CATSPER4: variants seen among roughly 807,000 people sequenced by gnomAD.
CATSPER4 encodes cation channel sperm-associated protein 4.
Under a neutral mutation model 54.4 loss-of-function variants are expected in CATSPER4, and 46 were observed. The observed-to-expected ratio is 0.84, with a 90% CI of 0.67 to 1.08. CATSPER4 has a LOEUF of 1.08. Ranked by LOEUF, CATSPER4 falls within the 50% of genes least tolerant of loss-of-function variation. The pLI is 0.00. For missense variants in CATSPER4, 574 were observed against 612.8 expected, an observed-to-expected ratio of 0.94 and a Z score of 0.67; for synonymous variants, 230 against 231.9, an observed-to-expected ratio of 0.99 and a Z score of 0.08.
intron 6 of CATSPER4, among the ~76,000 whole-genome samples, chr1:26,199,512 C>T (rs1253656383): frequency 4.2e-4 from 62 of 146,990 alleles, no homozygotes; most frequent in Admixed American, 3.9e-3. Context: ...GGCGGGAGAA[C>T]GACATGAACC....
intron 5 of CATSPER4, 45 bp downstream of exon 5, chr1:26,198,122 G>A (rs2088964906): frequency 1.2e-6 from 2 of 1,614,150 alleles, no homozygotes; most frequent in South Asian, 1.1e-5. Flanking sequence ...TCCCTGAACA[G>A]GGCCCTTGGG....
intron 3 of CATSPER4, among the ~76,000 whole-genome samples, chr1:26,195,067 G>C (rs2088921871): frequency 6.6e-6 from 1 of 152,204 alleles, no homozygotes; most frequent in African/African-American, 2.4e-5. Context: ...CTGGGCGACA[G>C]AGAGAGATTC....
Position 26,202,360 on chromosome 1 carries a change from A to G in CATSPER4, c.1366-129A>G, listed in dbSNP as rs2089017557. 40 of 805,470 alleles carry G rather than the reference A, an allele frequency of 5.0e-5. 2 individuals are homozygous for G. In the Middle Eastern group the frequency reaches 8.9e-4, roughly 18 times the overall value. 49.9% of individuals were successfully genotyped at this position (805,470 alleles called of 1,614,324 possible). ...TCAGAGGGGGTACTAGGTAGGCTCA[A>G]GTTAGACCTATGAAGCACTTCTCTG... On this transcript the variant is annotated intron_variant, in intron 9 of 9. Coordinates refer to ENST00000456354, the MANE Select transcript of CATSPER4 (RefSeq NM_198137.2).
chr1:26,192,129 C>CT (rs1189162445), intron 2 of CATSPER4, among the ~76,000 whole-genome samples: 27,049 of 139,622 alleles, frequency 0.19, 2,766 homozygotes, highest in Middle Eastern at 0.29. Context: ...GTTTTAATTT[C>CT]TTTTTTTTTT....
At chr1:26,197,036 T>C (rs1052575593) in intron 3 of CATSPER4, among the ~76,000 whole-genome samples, 2 of 151,690 alleles carry the variant, frequency 1.3e-5, no homozygotes, top group African/African-American at 4.8e-5. Context: ...GCCTCCCAAG[T>C]AGCTGGGACT....
intron 3 of CATSPER4, among the ~76,000 whole-genome samples, chr1:26,196,144 C>CTTTTTTTT (rs376569258): frequency 3.2e-5 from 4 of 125,274 alleles, no homozygotes; most frequent in Non-Finnish European, 4.9e-5. Context: ...CTTTCTTTTC[C>CTTTTTTTT]TTTTTTTTTT....
chr1:26,191,421 C>G lies in CATSPER4; in HGVS notation c.348C>G (p.Tyr116Ter), dbSNP rs377237727. Residue 116 changes from tyrosine to a stop codon, truncating the protein, a stop_gained, in exon 2 of 10, where the codon TAC becomes TAG. Transcript: ENST00000456354. LOFTEE classifies it high-confidence loss of function. ...CCATCGCTCTCCGTACCAACTCCTA[C>G]CTGGACCAGGTGGGATGCCAGCATG... is the stretch of plus-strand genomic sequence containing the variant. ...AITIALRTNS[Y>*]LDQKHYELFS... 6.2e-7 allele frequency: 1 copy of G among 1,614,072 alleles called. No homozygotes were observed.
rs1011010717 is a variant in CATSPER4 at position 26,199,942 on chromosome 1, A to G, written c.871A>G (p.Ile291Val). The change falls in exon 7 of 10, where the codon ATC (isoleucine) becomes GTC (valine). Residue 291 changes from isoleucine to valine, a missense_variant. Transcript: ENST00000456354. ...IGGAIYFTIF[I>V]TIGAFIGINL... Reference sequence around the variant, plus strand: ...GGGTGCCATCTACTTTACCATCTTCATCACCATCGGTGCCTTCATTGGCAT... The same window carrying G: ...GGGTGCCATCTACTTTACCATCTTCGTCACCATCGGTGCCTTCATTGGCAT... 1 of 1,614,092 alleles carries G rather than the reference A, an allele frequency of 6.2e-7. No individual in the cohort carries two copies. The highest frequency in any genetic ancestry group is 8.5e-7 in the Non-Finnish European group (1 of 1,180,046).
In CATSPER4 at chr1:26,197,986, CG is replaced by C; in HGVS notation, c.589del (p.Val197TrpfsTer37). 1 of 1,613,656 alleles carries C rather than the reference CG, an allele frequency of 6.2e-7. No individual in the cohort carries two copies. The highest frequency in any genetic ancestry group is 1.1e-5 in the South Asian group (1 of 91,058). ...RALRLVHVCM[A>X]VEPLARIIRV... ...CTTCGTCTGGTGCATGTGTGCATGG[CG>C]GTGGAGCCCCTCGCCCGGATCATCC... On this transcript the variant is annotated frameshift_variant, in exon 5 of 10. Coordinates refer to ENST00000456354, the MANE Select transcript of CATSPER4 (RefSeq NM_198137.2). LOFTEE classifies it high-confidence loss of function.
In CATSPER4 at chr1:26,202,659, G is replaced by A. The variant is rs1445306325; in HGVS notation, c.*117G>A. The A allele has an allele frequency of 2.0e-6, 2 of 983,208 alleles. No homozygotes were observed. The highest frequency in any genetic ancestry group is 3.2e-5 in the African/African-American group (2 of 61,960). The allele number at this position is 983,208 out of a possible 1,614,324, so 60.9% of individuals were successfully genotyped here. ...GAGCCCATCCTCTCCCTTATACCTG[G>A]GCAGAGGCCAGGGGCTGTGAAGGTG... On this transcript the variant is annotated 3_prime_UTR_variant, in exon 10 of 10. Transcript: ENST00000456354.
rs2089002709 is a variant in CATSPER4, at chr1:26,201,130, T to C, written c.1199+89T>C. The C allele has an allele frequency of 7.6e-6, 9 of 1,182,260 alleles. No homozygotes were observed. The South Asian group carries it at 1.1e-4, about 15-fold the overall frequency. The allele number at this position is 1,182,260 out of a possible 1,614,324, so 73.2% of individuals were successfully genotyped here. A position where few individuals can be genotyped will look rare whatever the true frequency, so the allele number is the denominator to read the frequency against. ...TCTTCTGGCCTCACGCCCTCACCAT[T>C]TATAAGGCAGAGCCTGGGCCCCACA... On this transcript the variant is annotated intron_variant, in intron 8 of 9. Coordinates refer to ENST00000456354, the MANE Select transcript of CATSPER4 (RefSeq NM_198137.2).
At chr1:26,190,877 C>T (rs370569792) in intron 1 of CATSPER4, 37 bp downstream of exon 1, 8 of 1,556,592 alleles carry the variant, frequency 5.1e-6, no homozygotes, top group Non-Finnish European at 7.0e-6. Context: ...GCCCCTTCTG[C>T]AGCTGTGCTC....
chr1:26,200,483 TG>T (rs905252688), intron 7 of CATSPER4, among the ~76,000 whole-genome samples: 1 of 152,042 alleles, frequency 6.6e-6, no homozygotes, highest in African/African-American at 2.4e-5. Context: ...TCCATAAGGT[TG>T]GGGAAAGGGG....
intron 3 of CATSPER4, among the ~76,000 whole-genome samples, chr1:26,196,402 CTTTTTTTTTTTTTTT>C (rs58507291): frequency 2.4e-5 from 2 of 82,456 alleles, no homozygotes; most frequent in African/African-American, 4.8e-5. Context: ...TTTTCTTTTC[CTTTTTTTTTTTTTTT>C]TTTTTTTTTT....
chr1:26,195,546 G>T lies in CATSPER4; in HGVS notation c.459+1658G>T, dbSNP rs572934618. Among the ~76,000 whole-genome samples the T allele has an allele frequency of 3.3e-5, 5 of 150,958 alleles. No homozygotes were observed. The South Asian group carries it at 1.0e-3, about 32-fold the overall frequency. On this transcript the variant is annotated intron_variant, in intron 3 of 9. Transcript: ENST00000456354. Reference sequence around the variant, plus strand: ...GACGGAGTCTCGCTCTGTCGCCTGGGCTGGAGTGCAGTGGCGCGATCTCGG... The same window carrying T: ...GACGGAGTCTCGCTCTGTCGCCTGGTCTGGAGTGCAGTGGCGCGATCTCGG...
rs199601379 is a variant in CATSPER4, at chr1:26,198,012, C to T, written c.613C>T (p.Arg205Cys). 45 of 1,614,036 alleles carry T rather than the reference C, an allele frequency of 2.8e-5. No homozygotes were observed. The Middle Eastern group carries it at 6.7e-4, about 24-fold the overall frequency. The change falls in exon 5 of 10, where the codon CGC becomes TGC. Residue 205 changes from arginine (R) to cysteine (C), a missense_variant. Transcript: ENST00000456354. ...MAVEPLARII[R>C]VILQSVPDMA... ...GGTGGAGCCCCTCGCCCGGATCATC[C>T]GCGTCATCCTGCAGTCGGTGCCTGA...
intron 3 of CATSPER4, among the ~76,000 whole-genome samples, chr1:26,196,752 T>C (rs1429948520): frequency 6.6e-6 from 1 of 152,030 alleles, no homozygotes. Flanking sequence ...ATTTTGTACT[T>C]CAACCAGAGT....
chr1:26,201,694 T>A, intron 9 of CATSPER4, 175 bp downstream of exon 9: 1 of 530,850 alleles, frequency 1.9e-6, no homozygotes, highest in Non-Finnish European at 3.3e-6. Flanking sequence ...TCTTTCCTTT[T>A]TTTTTTTTTT....
intron 2 of CATSPER4, among the ~76,000 whole-genome samples, chr1:26,192,930 C>T (rs965960403): frequency 2.0e-5 from 3 of 151,752 alleles, no homozygotes; most frequent in African/African-American, 7.3e-5. Context: ...CGTGGTGAAA[C>T]CCCATCTCTA....
Sources: gnomAD v4.1 joint callset for allele counts (sites outside exome capture counted in the v4.1 genomes callset) on GRCh38, gnomAD v4.1.1 for gene constraint, MANE v1.5 for transcripts, NCBI Gene and HGNC (gene_info 2026-07-23, HGNC 2026-07-21) for gene names.